The following SSBP2 variants were observed in gnomAD, a reference collection of about 807,000 sequenced individuals.
SSBP2 encodes the protein single-stranded DNA-binding protein 2.
SSBP2 carries 17 observed loss-of-function variants against 61.8 expected under a neutral mutation model. The observed-to-expected ratio is 0.28, with a 90% confidence interval of 0.19 to 0.41. SSBP2 has a LOEUF of 0.41. Among genes scored for constraint, SSBP2 ranks in the 10% least tolerant of loss-of-function variants. SSBP2 has a pLI of 1.00. For synonymous variants in SSBP2, 139 were observed against 141.3 expected, an observed-to-expected ratio of 0.98 and a Z score of 0.12; for missense variants, 310 against 458.7, an observed-to-expected ratio of 0.68 and a Z score of 2.96.
chr5:81,553,226 C>A (rs934028886), intron 4 of SSBP2, among the ~76,000 whole-genome samples: 5 of 152,156 alleles, frequency 3.3e-5, no homozygotes, highest in African/African-American at 1.2e-4. Context: ...AAAACCTATT[C>A]TTTCACTTGT....
At chr5:81,540,914 T>G (rs917530971) in intron 4 of SSBP2, among the ~76,000 whole-genome samples, 7 of 149,194 alleles carry the variant, frequency 4.7e-5, no homozygotes, top group Admixed American at 2.7e-4. Context: ...CCAGATCAAT[T>G]GGGCAACAGA....
chr5:81,423,937 C>A (rs1761781216), intron 16 of SSBP2, among the ~76,000 whole-genome samples: 2 of 152,108 alleles, frequency 1.3e-5, no homozygotes, highest in South Asian at 4.1e-4. Flanking sequence ...CAACTGTTAA[C>A]ATTTTTTTAT....
intron 15 of SSBP2, among the ~76,000 whole-genome samples, chr5:81,432,664 T>G (rs1762370150): frequency 2.6e-5 from 4 of 152,176 alleles, no homozygotes; most frequent in Admixed American, 2.6e-4. Flanking sequence ...GAGAATTTCT[T>G]GAACCTGGGA....
chr5:81,634,268 C>A (rs1472547598), intron 3 of SSBP2, among the ~76,000 whole-genome samples: 4 of 152,238 alleles, frequency 2.6e-5, no homozygotes, highest in Admixed American at 2.0e-4. Flanking sequence ...CAGTTCTTTT[C>A]CATTGATCCC....
chr5:81,636,090 G>T (rs58940374), intron 3 of SSBP2, among the ~76,000 whole-genome samples: 6,664 of 152,152 alleles, frequency 0.044, 219 homozygotes, highest in South Asian at 0.12. Flanking sequence ...CATCATGATG[G>T]GACTAGTTCC....
At chr5:81,441,173 G>C (rs577522503) in intron 13 of SSBP2, among the ~76,000 whole-genome samples, 2 of 152,238 alleles carry the variant, frequency 1.3e-5, no homozygotes, top group Admixed American at 6.5e-5. Context: ...ATTCTTCTTG[G>C]CAGTCTCAAC....
intron 4 of SSBP2, among the ~76,000 whole-genome samples, chr5:81,545,375 C>T (rs1478343290): frequency 1.3e-5 from 2 of 152,064 alleles, no homozygotes; most frequent in Non-Finnish European, 2.9e-5. Flanking sequence ...TTTTTACAAC[C>T]ACTTTCCTAC....
At chr5:81,580,305 G>GA (rs1774546172) in intron 4 of SSBP2, among the ~76,000 whole-genome samples, 1 of 151,892 alleles carries the variant, frequency 6.6e-6, no homozygotes, top group African/African-American at 2.4e-5. Flanking sequence ...ACCTGTTTGA[G>GA]AAAAAAACAG....
chr5:81,584,536 C>G (rs1013322606), intron 4 of SSBP2, among the ~76,000 whole-genome samples: 1 of 152,098 alleles, frequency 6.6e-6, no homozygotes, highest in Non-Finnish European at 1.5e-5. Flanking sequence ...AAAAGTTGCT[C>G]TCCAAGTTGT....
intron 1 of SSBP2, among the ~76,000 whole-genome samples, chr5:81,660,414 A>G (rs1750587349): frequency 6.6e-6 from 1 of 152,194 alleles, no homozygotes; most frequent in Non-Finnish European, 1.5e-5. Context: ...ATATGAGAAA[A>G]AGTTCATCAT....
chr5:81,450,086 A>C (rs1354155266), intron 10 of SSBP2, among the ~76,000 whole-genome samples: 1 of 152,168 alleles, frequency 6.6e-6, no homozygotes, highest in Non-Finnish European at 1.5e-5. Flanking sequence ...GCTGGAGTGC[A>C]ATGGGACAAA....
chr5:81,502,393 CTTAATG>C (rs963623754), intron 5 of SSBP2, among the ~76,000 whole-genome samples: 2 of 152,166 alleles, frequency 1.3e-5, no homozygotes, highest in African/African-American at 2.4e-5. Context: ...TTCCTAATTT[CTTAATG>C]TTAGAGTGTC....
chr5:81,505,364 G>A lies in SSBP2; in HGVS notation c.372+8264C>T, dbSNP rs75130863. ...ACAAATTGTTCCTGAACGCTACCTT[G>A]TAATAAGTTATTCTTTTAAAAAGCT... is the stretch of plus-strand genomic sequence containing the variant. On this transcript the variant is annotated intron_variant, in intron 5 of 16. Transcript: ENST00000320672. 5.1e-3 allele frequency among the ~76,000 whole-genome samples: 773 copies of A among 152,268 alleles called. 4 individuals are homozygous for A. The highest frequency in any genetic ancestry group is 0.017 in the African/African-American group (727 of 41,556).
At chr5:81,744,036 A>T (rs1581465321) in intron 1 of SSBP2, among the ~76,000 whole-genome samples, 1 of 152,216 alleles carries the variant, frequency 6.6e-6, no homozygotes, top group Non-Finnish European at 1.5e-5. Context: ...AATAAACTCA[A>T]GCCTGTTTCT....
At chr5:81,519,373 A>G (rs1278825477) in intron 4 of SSBP2, among the ~76,000 whole-genome samples, 1 of 152,172 alleles carries the variant, frequency 6.6e-6, no homozygotes, top group Non-Finnish European at 1.5e-5. Context: ...ACTTTTACAT[A>G]ATTTATAAAG....
chr5:81,535,508 C>G (rs542598624), intron 4 of SSBP2, among the ~76,000 whole-genome samples: 2 of 152,066 alleles, frequency 1.3e-5, no homozygotes, highest in Non-Finnish European at 2.9e-5. Flanking sequence ...GGAGGACTGA[C>G]TATAAGGCAA....
At chr5:81,505,054 T>C (rs1035132755) in intron 5 of SSBP2, among the ~76,000 whole-genome samples, 1 of 152,248 alleles carries the variant, frequency 6.6e-6, no homozygotes, top group African/African-American at 2.4e-5. Context: ...CGCTGGTCCT[T>C]ACCCTTTGGA....
intron 4 of SSBP2, among the ~76,000 whole-genome samples, chr5:81,516,395 T>C (rs966391340): frequency 2.0e-5 from 3 of 152,106 alleles, no homozygotes; most frequent in Non-Finnish European, 2.9e-5. Flanking sequence ...GCATGAGTTA[T>C]CTGATGTGAT....
intron 9 of SSBP2, among the ~76,000 whole-genome samples, chr5:81,463,716 G>T (rs995307773): frequency 2.0e-5 from 3 of 147,758 alleles, no homozygotes; most frequent in Non-Finnish European, 4.5e-5. Flanking sequence ...GGTTGATTTT[G>T]ATGAAATCAA....
Sources: gnomAD v4.1 joint callset for allele counts (sites outside exome capture counted in the v4.1 genomes callset) on GRCh38, gnomAD v4.1.1 for gene constraint, MANE v1.5 for transcripts, NCBI Gene and HGNC (gene_info 2026-07-23, HGNC 2026-07-21) for gene names.